Variants in CNTNAP2 observed in about 807,000 individuals in gnomAD.
The protein encoded by CNTNAP2 is contactin associated protein 2.
Under a neutral mutation model 155.2 loss-of-function variants are expected in CNTNAP2, and 98 were observed. That is an observed-to-expected ratio of 0.63 (90% confidence interval 0.54 to 0.75). The LOEUF is 0.75. Among genes scored for constraint, CNTNAP2 ranks in the 30% least tolerant of loss-of-function variants. CNTNAP2 has a pLI of 0.00. For missense variants in CNTNAP2, 1,727 were observed against 1,688.1 expected, an observed-to-expected ratio of 1.02 and a Z score of -0.40; for synonymous variants, 651 against 631.2, an observed-to-expected ratio of 1.03 and a Z score of -0.47.
In CNTNAP2 at chr7:146,303,064, TTGTG is replaced by T. The variant is rs1484846917; in HGVS notation, c.97+186094_97+186097del. Among the ~76,000 whole-genome samples, 5 of 138,830 alleles carry T rather than the reference TTGTG, an allele frequency of 3.6e-5. No individual in the cohort carries two copies. The South Asian group carries it at 8.8e-4, about 24-fold the overall frequency. 91.1% of individuals were successfully genotyped at this position (138,830 alleles called of 152,430 possible). On this transcript the variant is annotated intron_variant, in intron 1 of 23. Transcript: ENST00000361727. The stretch of plus-strand genomic sequence containing the variant: ...GAGATGGGAGAAACTAGGTACACCT[TTGTG>T]TGCATGTGTGTGTGTGTGTGTGTGT...
intron 1 of CNTNAP2, among the ~76,000 whole-genome samples, chr7:146,398,798 T>G (rs999167802): frequency 6.6e-6 from 1 of 152,060 alleles, no homozygotes; most frequent in African/African-American, 2.4e-5. Context: ...CCTGTAAAAG[T>G]TTAAGGCCCA....
intron 11 of CNTNAP2, among the ~76,000 whole-genome samples, chr7:147,511,174 C>T (rs1799013873): frequency 6.6e-6 from 1 of 151,954 alleles, no homozygotes; most frequent in African/African-American, 2.4e-5. Flanking sequence ...CAGACAACTG[C>T]AGTCCTTTGC....
intron 18 of CNTNAP2, among the ~76,000 whole-genome samples, chr7:148,195,866 G>T (rs1302564070): frequency 6.6e-6 from 1 of 151,732 alleles, no homozygotes; most frequent in Non-Finnish European, 1.5e-5. Flanking sequence ...CTGAGCAATT[G>T]AACCACAATA....
At chr7:146,857,260 T>G (rs1205472637) in intron 3 of CNTNAP2, among the ~76,000 whole-genome samples, 1 of 148,874 alleles carries the variant, frequency 6.7e-6, no homozygotes, top group Non-Finnish European at 1.5e-5. Flanking sequence ...TAGCACAGAG[T>G]AAAATAGAAG....
intron 1 of CNTNAP2, among the ~76,000 whole-genome samples, chr7:146,159,357 A>G (rs950608108): frequency 6.6e-6 from 1 of 152,226 alleles, no homozygotes; most frequent in African/African-American, 2.4e-5. Flanking sequence ...ACCAGCTAAC[A>G]TCATAATGAC....
At chr7:147,070,847 AT>A (rs1417181341) in intron 4 of CNTNAP2, among the ~76,000 whole-genome samples, 1 of 146,622 alleles carries the variant, frequency 6.8e-6, no homozygotes, top group African/African-American at 2.8e-5. Flanking sequence ...CTCATTTACG[AT>A]GGAAATGTAT....
intron 2 of CNTNAP2, among the ~76,000 whole-genome samples, chr7:146,792,480 A>G (rs542416591): frequency 2.4e-4 from 37 of 152,216 alleles, no homozygotes; most frequent in Non-Finnish European, 2.9e-4. Flanking sequence ...GTTCCAATGT[A>G]CAATAATACA....
At chr7:146,262,082 T>C (rs1048772867) in intron 1 of CNTNAP2, among the ~76,000 whole-genome samples, 7 of 152,184 alleles carry the variant, frequency 4.6e-5, no homozygotes, top group Admixed American at 4.6e-4. Context: ...TCCACACTGG[T>C]CCTCTCCTGT....
intron 18 of CNTNAP2, among the ~76,000 whole-genome samples, chr7:148,215,067 T>C (rs1795613244): frequency 6.6e-6 from 1 of 152,180 alleles, no homozygotes; most frequent in Non-Finnish European, 1.5e-5. Flanking sequence ...TATAGTTAAG[T>C]CTTTTCCTTA....
intron 3 of CNTNAP2, among the ~76,000 whole-genome samples, chr7:146,912,473 T>C (rs376533531): frequency 3.9e-4 from 60 of 152,264 alleles, no homozygotes; most frequent in Middle Eastern, 3.4e-3. Flanking sequence ...ATGTTAGCTC[T>C]CAAATAATGT....
intron 13 of CNTNAP2, among the ~76,000 whole-genome samples, chr7:147,693,501 TTTCTC>T (rs1796119546): frequency 6.6e-6 from 1 of 152,048 alleles, no homozygotes; most frequent in African/African-American, 2.4e-5. Context: ...CGTTCTTTGA[TTTCTC>T]TCATCAGAGT....
intron 1 of CNTNAP2, among the ~76,000 whole-genome samples, chr7:146,198,615 A>G (rs1296503998): frequency 1.3e-5 from 2 of 152,146 alleles, no homozygotes; most frequent in African/African-American, 4.8e-5. Flanking sequence ...ATCATCTTAC[A>G]TCTTCTATCT....
chr7:146,430,136 A>T (rs550541434), intron 1 of CNTNAP2, among the ~76,000 whole-genome samples: 1 of 151,816 alleles, frequency 6.6e-6, no homozygotes, highest in South Asian at 2.1e-4. Flanking sequence ...TTTTATTGAG[A>T]ATATTCGCAT....
chr7:147,658,731 C>G (rs1795568705), intron 13 of CNTNAP2, among the ~76,000 whole-genome samples: 1 of 152,128 alleles, frequency 6.6e-6, no homozygotes. Flanking sequence ...CTGTGGAGCC[C>G]TTTCTCCTAG....
At chr7:147,497,223 A>G (rs1311673187) in intron 11 of CNTNAP2, 1 of 152,220 alleles carries the variant, frequency 6.6e-6, no homozygotes, top group Non-Finnish European at 1.5e-5. Flanking sequence ...TGAGAAAAAC[A>G]TTCAAGGGCT....
chr7:146,720,963 C>G (rs144102854), intron 1 of CNTNAP2, among the ~76,000 whole-genome samples: 1 of 124,254 alleles, frequency 8.0e-6, no homozygotes, highest in Non-Finnish European at 1.6e-5. Context: ...TATATATATA[C>G]AGTATATATA....
rs532889083 is a variant in CNTNAP2 at position 146,177,216 on chromosome 7, C to T, written c.97+60243C>T. On this transcript the variant is annotated intron_variant, in intron 1 of 23. Transcript: ENST00000361727. ...ACATCTGGACAGTATTGAAGGGCAG[C>T]GGGGCCTCCCAAAGAGCCTGTTTTG... is the stretch of plus-strand genomic sequence containing the variant. Among the ~76,000 whole-genome samples the T allele has an allele frequency of 3.9e-5, 6 of 152,286 alleles. No homozygotes were observed. The East Asian group carries it at 9.7e-4, about 25-fold the overall frequency.
At chr7:146,384,070 T>C (rs1264788470) in intron 1 of CNTNAP2, among the ~76,000 whole-genome samples, 1 of 152,166 alleles carries the variant, frequency 6.6e-6, no homozygotes, top group Non-Finnish European at 1.5e-5. Context: ...TACAAGACTC[T>C]GGGCATCCAA....
Position 147,303,200 on chromosome 7 carries a change from G to A in CNTNAP2, c.1498+2910G>A, listed in dbSNP as rs540817686. Among the ~76,000 whole-genome samples the A allele has an allele frequency of 4.6e-5, 7 of 152,332 alleles. No individual in the cohort carries two copies. In the East Asian group the frequency reaches 1.3e-3, roughly 29 times the overall value. ...TTGTGGCAAACCACAGACCCTTAATGCCTTTAAGTTCACTACTGATATCTC... is the reference window on the plus strand; with the variant it reads ...TTGTGGCAAACCACAGACCCTTAATACCTTTAAGTTCACTACTGATATCTC... On this transcript the variant is annotated intron_variant, in intron 9 of 23. Coordinates refer to ENST00000361727, the MANE Select transcript of CNTNAP2 (RefSeq NM_014141.6).
Sources: gnomAD v4.1 joint callset for allele counts (sites outside exome capture counted in the v4.1 genomes callset) on GRCh38, gnomAD v4.1.1 for gene constraint, MANE v1.5 for transcripts, NCBI Gene and HGNC (gene_info 2026-07-23, HGNC 2026-07-21) for gene names.